The following MYH14 variants were observed in gnomAD, a reference collection of about 807,000 sequenced individuals.
MYH14 encodes the protein myosin-14.
MYH14 carries 123 observed loss-of-function variants against 255.5 expected under a neutral mutation model. That is an observed-to-expected ratio of 0.48 (90% CI 0.42 to 0.56). The LOEUF is 0.56. MYH14 is among the 20% of genes least tolerant of loss of function. The pLI, the probability that MYH14 is intolerant of heterozygous loss-of-function variation, is 0.00. For synonymous variants in MYH14, 1,095 were observed against 1,161.2 expected (o/e 0.94, Z 1.16); for missense variants, 2,423 against 2,802.3 (o/e 0.86, Z 3.06).
rs776089985 is a variant in MYH14, at chr19:50,293,611, A to G, written c.5393A>G (p.Gln1798Arg). ...CGTCAGCTGGAGGGGCGCCTGGGGC[A>G]GTTGGAGGAAGAGCTGGAGGAGGAG... is the stretch of plus-strand genomic sequence containing the variant. ...EKRQLEGRLG[Q>R]LEEELEEEQS... Residue 1798 changes from glutamine to arginine, a missense_variant, in exon 39 of 43, where the codon CAG (glutamine) becomes CGG (arginine). Gln to Arg is a conservative substitution (Grantham distance 43, BLOSUM62 1). Transcript: ENST00000642316. The surrounding 1 kb of genome is among the most constrained non-coding windows in gnomAD (Gnocchi z 4.1). 2 of 1,612,994 alleles carry G rather than the reference A, an allele frequency of 1.2e-6. No homozygotes were observed. Among genetic ancestry groups the G allele is most frequent in the Non-Finnish European group, 1.7e-6 (2 of 1,179,484 alleles).
At chr19:50,263,561 G>T in intron 22 of MYH14, 141 bp downstream of exon 22, 1 of 498,928 alleles carries the variant, frequency 2.0e-6, no homozygotes, top group East Asian at 3.3e-5. Context: ...GGCTTTGCTA[G>T]CTGGGATTCT....
rs138153369 is a variant in MYH14, at chr19:50,224,385, A to G, written c.717+208A>G. Among the ~76,000 whole-genome samples the G allele has an allele frequency of 1.8e-3, 273 of 152,244 alleles. 1 individual carries two copies. Among genetic ancestry groups the G allele is most frequent in the African/African-American group, 6.3e-3 (260 of 41,548 alleles). On this transcript the variant is annotated intron_variant, in intron 6 of 42. Transcript: ENST00000642316. ...ACACCAACATGAAACAATCCAGAGA[A>G]CAAAACTGCCACTTACTGCTGATCT...
chr19:50,307,585 T>C (rs1000117485), intron 41 of MYH14, among the ~76,000 whole-genome samples: 1 of 152,192 alleles, frequency 6.6e-6, no homozygotes, highest in Non-Finnish European at 1.5e-5. Context: ...AGTAACTTGC[T>C]CAAAATTATT....
At position 50,271,963 on chromosome 19, in the gene MYH14, G is replaced by A. The variant is rs1428939676; in HGVS notation, c.3286G>A (p.Asp1096Asn). 1.9e-6 allele frequency: 3 copies of A among 1,609,268 alleles called. No homozygotes were observed. The East Asian group carries it at 6.7e-5, about 36-fold the overall frequency. ...GCTCAAATATGAGGCCACAATCGCA[G>A]ACATGGAGGGTGAGCTCCCGCCCAG... ...LRLKYEATIA[D>N]MEDRLRKEEK... The change falls in exon 26 of 43, where the codon GAC becomes AAC. Residue 1096 changes from aspartate to asparagine, a missense_variant. Around this residue, in one of 3 missense-constraint regions of MYH14, gnomAD observed 1,513 missense variants for 1,674.8 expected, o/e 0.90. Transcript: ENST00000642316.
rs143859133 is a variant in MYH14, at chr19:50,218,019, C to T, written c.562+248C>T. Among the ~76,000 whole-genome samples, 2,216 of 152,040 alleles carry T rather than the reference C, an allele frequency of 0.015. 85 individuals carry two copies. In the East Asian group the frequency reaches 0.15, roughly 10 times the overall value. On this transcript the variant is annotated intron_variant, in intron 3 of 42. Transcript: ENST00000642316. Reference sequence around the variant, plus strand: ...TGTTATTATTATTATTAGTTTGAGACGGAGTCTTGCTCCGTCACCCAGGCT... The same window carrying T: ...TGTTATTATTATTATTAGTTTGAGATGGAGTCTTGCTCCGTCACCCAGGCT...
intron 29 of MYH14, among the ~76,000 whole-genome samples, chr19:50,277,404 G>A (rs1343699588): frequency 3.9e-5 from 6 of 151,946 alleles, no homozygotes; most frequent in Non-Finnish European, 4.4e-5. Flanking sequence ...CCAGGAGTTC[G>A]AGACCAGCCT....
At chr19:50,264,797 G>C (rs1331791909) in intron 22 of MYH14, among the ~76,000 whole-genome samples, 5 of 152,174 alleles carry the variant, frequency 3.3e-5, no homozygotes, top group Non-Finnish European at 7.3e-5. Context: ...GAGCCAGTTA[G>C]TAGGGATCAG....
Position 50,280,050 on chromosome 19 carries a change from A to T in MYH14, c.4046A>T (p.Asn1349Ile). The change falls in exon 31 of 43, where the codon AAT becomes ATT. Residue 1349 changes from asparagine to isoleucine, a missense_variant. This residue lies in a region of MYH14 where 1,513 missense variants were observed against 1,674.8 expected (regional missense o/e 0.90). Transcript: ENST00000642316. The surrounding 1 kb of genome is among the most constrained non-coding windows in gnomAD (Gnocchi z 4.8). ...CCTTCCCTGCAGGCTGAACTGGAGA[A>T]TGTGTCTGGGGCGCTGAACGAGGCT... ...KLQRAQAELE[N>I]VSGALNEAES... 6.2e-7 allele frequency: 1 copy of T among 1,609,168 alleles called. No homozygotes were observed. The highest frequency in any genetic ancestry group is 8.5e-7 in the Non-Finnish European group (1 of 1,177,874).
In MYH14 at chr19:50,280,043, C is replaced by T; in HGVS notation, c.4039C>T (p.Leu1347=). The change falls in exon 31 of 43, where the codon CTG becomes TTG. Residue 1347 remains leucine (L), a synonymous_variant. Coordinates refer to ENST00000642316, the MANE Select transcript of MYH14 (RefSeq NM_001145809.2). This position sits in a 1 kb window ranked among gnomAD's most constrained non-coding sequence, Gnocchi z 4.8. ...AEKLQRAQAE[L]ENVSGALNEA... ...TCCCGTCCCTTCCCTGCAGGCTGAACTGGAGAATGTGTCTGGGGCGCTGAA... is the reference window on the plus strand; with the variant it reads ...TCCCGTCCCTTCCCTGCAGGCTGAATTGGAGAATGTGTCTGGGGCGCTGAA... 6.2e-7 allele frequency: 1 copy of T among 1,607,836 alleles called. No individual in the cohort carries two copies. Among genetic ancestry groups the T allele is most frequent in the African/African-American group, 1.3e-5 (1 of 74,970 alleles).
At chr19:50,271,358 C>T in intron 24 of MYH14, 51 bp from the exon 25 acceptor site, 1 of 1,563,194 alleles carries the variant, frequency 6.4e-7, no homozygotes, top group Non-Finnish European at 8.7e-7. Context: ...TTCCCCATCA[C>T]ACTCCATCTA....
At position 50,250,462 on chromosome 19, in the gene MYH14, A is replaced by C. The variant is rs1441476733; in HGVS notation, c.1657-53A>C. The C allele has an allele frequency of 6.4e-7, 1 of 1,558,934 alleles. No individual in the cohort carries two copies. The highest frequency in any genetic ancestry group is 8.8e-7 in the Non-Finnish European group (1 of 1,142,096). ...AGAGCTAAAAATCAGCAGCCACCTG[A>C]GTGTCCAATATGTGGGGATCTGACT... On this transcript the variant is annotated intron_variant, in intron 14 of 42. Coordinates refer to ENST00000642316, the MANE Select transcript of MYH14 (RefSeq NM_001145809.2). This position sits in a 1 kb window ranked among gnomAD's most constrained non-coding sequence, Gnocchi z 5.4.
In MYH14 at chr19:50,255,224, T is replaced by A. The variant is rs1568504352; in HGVS notation, c.1950T>A (p.His650Gln). 1.2e-5 allele frequency: 19 copies of A among 1,550,538 alleles called. No individual in the cohort carries two copies. The highest frequency in any genetic ancestry group is 1.7e-5 in the Non-Finnish European group (19 of 1,146,196). Reference protein sequence around the residue: ...RLTAEIWKDEHGGFQQFSFLG... With the variant: ...RLTAEIWKDEQGGFQQFSFLG... ...ACATCTGTCCTCACTCCCCAGAACA[T>A]GGGGGCTTCCAGCAGTTCTCTTTCC... Residue 650 changes from histidine to glutamine, a missense_variant, in exon 17 of 43, where the codon CAT becomes CAA. By Grantham distance (24) the His-to-Gln change is conservative. This residue lies in a region of MYH14 where 672 missense variants were observed against 881.8 expected (regional missense o/e 0.76). Transcript: ENST00000642316.
chr19:50,210,719 G>A lies in MYH14; in HGVS notation c.354G>A (p.Glu118=). 1 of 1,579,142 alleles carries A rather than the reference G, an allele frequency of 6.3e-7. No individual in the cohort carries two copies. The highest frequency in any genetic ancestry group is 1.2e-5 in the South Asian group (1 of 86,254). ...EDMAELTCLN[E]ASVLHNLRER... ...TGGCCGAGCTGACCTGCCTCAACGA[G>A]GCCTCGGTCCTGCACAACCTCCGGG... The change falls in exon 2 of 43, where the codon GAG becomes GAA. Residue 118 remains glutamate (E), a synonymous_variant. Coordinates refer to ENST00000642316, the MANE Select transcript of MYH14 (RefSeq NM_001145809.2).
At chr19:50,297,558 G>A (rs1278415481) in intron 39 of MYH14, among the ~76,000 whole-genome samples, 1 of 125,290 alleles carries the variant, frequency 8.0e-6, no homozygotes, top group East Asian at 3.1e-4. Context: ...AGTGCAATGG[G>A]CTGATCTTAG....
Position 50,267,013 on chromosome 19 carries a change from G to T in MYH14, c.2826+5G>T. On this transcript the variant is annotated splice_donor_5th_base_variant and intron_variant, in intron 23 of 42. Transcript: ENST00000642316. The stretch of plus-strand genomic sequence containing the variant: ...CTCCAGGGCCGAGTGGCACAGGTGA[G>T]GGGGCGGGGGCAGGGCGTGGGGGCG... 1 of 1,554,084 alleles carries T rather than the reference G, an allele frequency of 6.4e-7. No homozygotes were observed. Among genetic ancestry groups the T allele is most frequent in the East Asian group, 2.4e-5 (1 of 42,394 alleles).
Position 50,271,912 on chromosome 19 carries a change from A to G in MYH14, c.3235A>G (p.Lys1079Glu), listed in dbSNP as rs1444602381. The G allele has an allele frequency of 6.2e-7, 1 of 1,612,972 alleles. No individual in the cohort carries two copies. Among genetic ancestry groups the G allele is most frequent in the East Asian group, 2.2e-5 (1 of 44,848 alleles). ...ATCCCAGGCAGCTGAGGAGGAGGAG[A>G]AGGTCAAGAGCCTCAATAAGCTACG... is the stretch of plus-strand genomic sequence containing the variant. The part of the protein sequence containing the change: ...FSSQAAEEEE[K>E]VKSLNKLRLK... Residue 1079 changes from lysine (K) to glutamate (E), a missense_variant, in exon 26 of 43, where the codon AAG becomes GAG. Physicochemically the swap from Lys to Glu is moderately conservative, Grantham distance 56. This residue lies in a region of MYH14 where 1,513 missense variants were observed against 1,674.8 expected (regional missense o/e 0.90). Coordinates refer to ENST00000642316, the MANE Select transcript of MYH14 (RefSeq NM_001145809.2).
At chr19:50,245,481 A>G (rs2123288402) in intron 11 of MYH14, among the ~76,000 whole-genome samples, 1 of 151,404 alleles carries the variant, frequency 6.6e-6, no homozygotes. Flanking sequence ...AAGAAAAAGA[A>G]AGACAATTAC....
intron 34 of MYH14, among the ~76,000 whole-genome samples, chr19:50,286,968 AT>A: frequency 6.6e-6 from 1 of 152,212 alleles, no homozygotes; most frequent in African/African-American, 2.4e-5. Flanking sequence ...AAATACAAAA[AT>A]TAGCCAGGCA....
chr19:50,286,499 G>A lies in MYH14; in HGVS notation c.4557G>A (p.Lys1519=), dbSNP rs2035891718. 1.2e-6 allele frequency: 2 copies of A among 1,612,992 alleles called. No individual in the cohort carries two copies. The highest frequency in any genetic ancestry group is 8.5e-7 in the Non-Finnish European group (1 of 1,179,274). ...ACTGGAAGCTTCTGGCAGAGGAGAA[G>A]GCAGCTGTACTTCGGGCAGTGGAGG... ...RKFDQLLAEE[K]AAVLRAVEER... Residue 1519 remains lysine, a synonymous_variant, in exon 34 of 43, where the codon AAG becomes AAA. Transcript: ENST00000642316.
Sources: gnomAD v4.1 joint callset for allele counts (sites outside exome capture counted in the v4.1 genomes callset) on GRCh38, gnomAD v4.1.1 for gene constraint, gnomAD v4.1.1 regional missense constraint, Gnocchi (gnomAD v3.1) non-coding constraint, MANE v1.5 for transcripts, NCBI Gene and HGNC (gene_info 2026-07-23, HGNC 2026-07-21) for gene names.